The following KCNK13 variants were observed in gnomAD, a reference collection of about 807,000 sequenced individuals.
The protein encoded by KCNK13 is potassium channel subfamily K member 13.
KCNK13 carries 12 observed loss-of-function variants against 23.4 expected under a neutral mutation model. The observed-to-expected ratio is 0.51, with a 90% CI of 0.33 to 0.83. The LOEUF (loss-of-function observed/expected upper bound fraction) is 0.83. Ranked by LOEUF, KCNK13 falls within the 40% of genes least tolerant of loss-of-function variation. KCNK13 has a pLI of 0.02. For synonymous variants in KCNK13, 231 were observed against 229.5 expected (o/e 1.01, Z -0.06); for missense variants, 463 against 556.3 (o/e 0.83, Z 1.69).
At chr14:90,152,869 A>G (rs1381327462) in intron 1 of KCNK13, among the ~76,000 whole-genome samples, 1 of 152,156 alleles carries the variant, frequency 6.6e-6, no homozygotes, top group Non-Finnish European at 1.5e-5. Context: ...AGGAGGTTTC[A>G]TTCTATGGGT....
At chr14:90,108,280 C>T (rs142287118) in intron 1 of KCNK13, among the ~76,000 whole-genome samples, 9 of 152,242 alleles carry the variant, frequency 5.9e-5, no homozygotes, top group Non-Finnish European at 1.2e-4. Context: ...CTTTGGCACG[C>T]GTTTCTTACT....
chr14:90,065,267 T>G (rs1463287386), intron 1 of KCNK13, among the ~76,000 whole-genome samples: 1 of 152,182 alleles, frequency 6.6e-6, no homozygotes, highest in Non-Finnish European at 1.5e-5. Context: ...GACTTTGAGG[T>G]AGCAGACAAA....
At chr14:90,068,633 C>G (rs1421962793) in intron 1 of KCNK13, among the ~76,000 whole-genome samples, 1 of 152,088 alleles carries the variant, frequency 6.6e-6, no homozygotes, top group Non-Finnish European at 1.5e-5. Flanking sequence ...AATGCAGACT[C>G]TCAGGTCAAC....
At position 90,120,935 on chromosome 14, in the gene KCNK13, C is replaced by G. The variant is rs1004828945; in HGVS notation, c.334+58396C>G. On this transcript the variant is annotated intron_variant, in intron 1 of 1. Coordinates refer to ENST00000282146, the MANE Select transcript of KCNK13 (RefSeq NM_022054.4). ...AAGCAAGTTAGTTACTTCCTAGATACAAGGGGGGTACAGAATTGGATAAAT... is the reference window on the plus strand; with the variant it reads ...AAGCAAGTTAGTTACTTCCTAGATAGAAGGGGGGTACAGAATTGGATAAAT... Among the ~76,000 whole-genome samples the G allele has an allele frequency of 2.9e-5, 4 of 137,876 alleles. No homozygotes were observed. The Admixed American group carries it at 3.0e-4, about 10-fold the overall frequency. The allele number at this position is 137,876 out of a possible 152,430, so 90.5% of individuals were successfully genotyped here. A position where few individuals can be genotyped will look rare whatever the true frequency, so the allele number is the denominator to read the frequency against.
chr14:90,163,102 G>A (rs1890268024), intron 1 of KCNK13, among the ~76,000 whole-genome samples: 1 of 152,138 alleles, frequency 6.6e-6, no homozygotes, highest in South Asian at 2.1e-4. Flanking sequence ...AAGCTGAGAG[G>A]TAATGTCTTA....
chr14:90,085,751 A>ATATTATG (rs1889265242), intron 1 of KCNK13, among the ~76,000 whole-genome samples: 1 of 133,078 alleles, frequency 7.5e-6, no homozygotes, highest in South Asian at 2.2e-4. Flanking sequence ...ATATAATTAT[A>ATATTATG]TATTATATAT....
rs1331769613 is a variant in KCNK13 at position 90,085,814 on chromosome 14, A to ATATTATATAT, written c.334+23278_334+23279insTATATATTAT. ...TATACTTTATATTATATATTATATT[A>ATATTATATAT]TATATTATATATTATATATTATATA... On this transcript the variant is annotated intron_variant, in intron 1 of 1. Transcript: ENST00000282146. Among the ~76,000 whole-genome samples the ATATTATATAT allele has an allele frequency of 9.7e-3, 174 of 17,950 alleles. 1 individual carries two copies. The highest frequency in any genetic ancestry group is 0.088 in the African/African-American group (142 of 1,618). The allele number at this position is 17,950 out of a possible 152,430, so 11.8% of individuals were successfully genotyped here.
intron 1 of KCNK13, among the ~76,000 whole-genome samples, chr14:90,070,838 G>A (rs558780377): frequency 1.6e-4 from 24 of 152,338 alleles, no homozygotes; most frequent in African/African-American, 5.8e-4. Flanking sequence ...AAAACTGGAA[G>A]AGTAGCTGGT....
chr14:90,122,186 A>C (rs189395219), intron 1 of KCNK13, among the ~76,000 whole-genome samples: 5 of 152,166 alleles, frequency 3.3e-5, no homozygotes, highest in Admixed American at 3.3e-4. Flanking sequence ...TTTTTCAGTT[A>C]TATATAATGC....
intron 1 of KCNK13, among the ~76,000 whole-genome samples, chr14:90,080,487 G>GA (rs1889194907): frequency 1.3e-5 from 2 of 151,734 alleles, no homozygotes; most frequent in South Asian, 2.1e-4. Flanking sequence ...TAAAAAATTG[G>GA]AAAAAAAGAA....
intron 1 of KCNK13, among the ~76,000 whole-genome samples, chr14:90,156,725 TA>T (rs1296110268): frequency 6.6e-6 from 1 of 152,146 alleles, no homozygotes; most frequent in African/African-American, 2.4e-5. Flanking sequence ...AGATGAGGCA[TA>T]GGGGAGGTTA....
intron 1 of KCNK13, among the ~76,000 whole-genome samples, chr14:90,104,359 A>G (rs1889517581): frequency 6.6e-6 from 1 of 152,066 alleles, no homozygotes; most frequent in Non-Finnish European, 1.5e-5. Context: ...AAACAGTAAC[A>G]TCTTTGAAAT....
At chr14:90,165,062 T>C (rs1415060941) in intron 1 of KCNK13, among the ~76,000 whole-genome samples, 1 of 152,194 alleles carries the variant, frequency 6.6e-6, no homozygotes, top group African/African-American at 2.4e-5. Flanking sequence ...ATGTCTTACA[T>C]GGTGGCTGGC....
chr14:90,161,220 C>T (rs1251546501), intron 1 of KCNK13, among the ~76,000 whole-genome samples: 1 of 152,076 alleles, frequency 6.6e-6, no homozygotes, highest in African/African-American at 2.4e-5. Flanking sequence ...TTACACGAGC[C>T]CACTTATCAC....
chr14:90,065,902 A>G (rs140280585), intron 1 of KCNK13, among the ~76,000 whole-genome samples: 2 of 152,350 alleles, frequency 1.3e-5, no homozygotes, highest in African/African-American at 4.8e-5. Context: ...CATGGCAGAC[A>G]GAGTCATGAC....
Position 90,184,252 on chromosome 14 carries a change from C to T in KCNK13, c.476C>T (p.Ser159Leu), listed in dbSNP as rs778218817. 11 of 1,614,102 alleles carry T rather than the reference C, an allele frequency of 6.8e-6. No homozygotes were observed. Among genetic ancestry groups the T allele is most frequent in the East Asian group, 4.5e-5 (2 of 44,898 alleles). Residue 159 changes from serine to leucine, a missense_variant, in exon 2 of 2, where the codon TCG becomes TTG. Transcript: ENST00000282146. This position sits in a 1 kb window ranked among gnomAD's most constrained non-coding sequence, Gnocchi z 5.6. ...ACCATCATCGCCTACATCATGAAGT[C>T]GTGCCACCAGCGGCAGCTCCGGAGA... The part of the protein sequence containing the change: ...LITIIAYIMK[S>L]CHQRQLRRRG...
chr14:90,077,103 G>A (rs1889146752), intron 1 of KCNK13, among the ~76,000 whole-genome samples: 1 of 138,802 alleles, frequency 7.2e-6, no homozygotes, highest in South Asian at 2.2e-4. Flanking sequence ...ACAGGCATGA[G>A]CCACCGCACC....
intron 1 of KCNK13, chr14:90,107,830 C>T: frequency 1.2e-6 from 1 of 862,312 alleles, no homozygotes; most frequent in African/African-American, 1.6e-5. Flanking sequence ...CAACCACCAA[C>T]CACACTAACA....
At chr14:90,074,472 A>C (rs1474091891) in intron 1 of KCNK13, among the ~76,000 whole-genome samples, 1 of 152,206 alleles carries the variant, frequency 6.6e-6, no homozygotes, top group African/African-American at 2.4e-5. Flanking sequence ...CATGGTTGAG[A>C]TAAAGATTCT....
Sources: allele counts gnomAD v4.1 joint callset (sites outside exome capture counted in the v4.1 genomes callset), GRCh38; gene constraint gnomAD v4.1.1; non-coding constraint Gnocchi (gnomAD v3.1); transcripts MANE v1.5; gene names NCBI Gene and HGNC (gene_info 2026-07-23, HGNC 2026-07-21).